The following C12orf42 variants were observed in gnomAD, a reference collection of about 807,000 sequenced individuals.
C12orf42 encodes uncharacterized protein C12orf42.
A neutral mutation model predicts 21.6 loss-of-function variants in C12orf42; 25 were observed. The ratio of observed to expected loss-of-function variants is 1.16; its 90% confidence interval spans 0.84 to 1.62. C12orf42 has a LOEUF of 1.62. Ranked by LOEUF, C12orf42 falls within the 40% of genes most tolerant of loss-of-function variation. The probability of loss-of-function intolerance (pLI) is 0.00; values close to 1 mark genes in which losing one functional copy is unlikely to be tolerated. For missense variants in C12orf42, 483 were observed against 459.3 expected, an observed-to-expected ratio of 1.05 and a Z score of -0.47; for synonymous variants, 174 against 175.0, an observed-to-expected ratio of 0.99 and a Z score of 0.05.
the C12orf42 span, among the ~76,000 whole-genome samples, chr12:103,543,860 T>G: frequency 6.6e-6 from 1 of 151,044 alleles, no homozygotes; most frequent in South Asian, 2.1e-4. Flanking sequence ...TTTTTGTTGT[T>G]GTTGTTGTTT....
At chr12:103,118,772 T>TAAAAAAAAAAAA in the C12orf42 span, among the ~76,000 whole-genome samples, 83 of 41,656 alleles carry the variant, frequency 2.0e-3, 5 homozygotes, top group African/African-American at 7.4e-3. Flanking sequence ...CACTCCAGCC[T>TAAAAAAAAAAAA]AAAAAAAAAA....
chr12:103,191,439 G>A, the C12orf42 span, among the ~76,000 whole-genome samples: 1 of 149,650 alleles, frequency 6.7e-6, no homozygotes, highest in African/African-American at 2.5e-5. Flanking sequence ...TGGGTGCAGT[G>A]GCTCATGCCT....
chr12:103,396,520 G>A (rs957145362), intron 3 of C12orf42: 1 of 152,168 alleles, frequency 6.6e-6, no homozygotes, highest in Non-Finnish European at 1.5e-5. Context: ...AATGAATGGA[G>A]TAGTACATAT....
At chr12:103,281,008 T>G (rs549781128) in intron 4 of C12orf42, among the ~76,000 whole-genome samples, 1 of 152,342 alleles carries the variant, frequency 6.6e-6, no homozygotes, top group East Asian at 1.9e-4. Flanking sequence ...TTAGGAAGAC[T>G]TCCTGGAAGA....
At chr12:103,378,814 T>C (rs1386628109) in intron 3 of C12orf42, 1 of 152,064 alleles carries the variant, frequency 6.6e-6, no homozygotes, top group Non-Finnish European at 1.5e-5. Flanking sequence ...GATTTAAGAG[T>C]AACAATTGTT....
chr12:103,302,401 T>A lies in C12orf42; in HGVS notation c.790A>T (p.Arg264Ter). 1 of 1,613,860 alleles carries A rather than the reference T, an allele frequency of 6.2e-7. No individual in the cohort carries two copies. The highest frequency in any genetic ancestry group is 8.5e-7 in the Non-Finnish European group (1 of 1,179,842). ...AQAHPDDIQS[R>*]LLGASGNPVG... ...GGATTTCCGGACGCGCCCAGGAGTC[T>A]GCTTTGGATGTCGTCGGGGTGTGCC... The change falls in exon 6 of 6, where the codon AGA becomes TGA. Residue 264 changes from arginine (R) to a stop codon, truncating the protein, a stop_gained. Coordinates refer to ENST00000548883, the MANE Select transcript of C12orf42 (RefSeq NM_198521.5). LOFTEE classifies it low-confidence loss of function (END_TRUNC).
chr12:103,437,744 GA>G (rs1950853732), intron 2 of C12orf42, among the ~76,000 whole-genome samples: 1 of 147,484 alleles, frequency 6.8e-6, no homozygotes, highest in African/African-American at 2.5e-5. Context: ...AACAGGATCT[GA>G]AATTGAGACA....
At chr12:103,119,223 T>G in the C12orf42 span, among the ~76,000 whole-genome samples, 1 of 152,208 alleles carries the variant, frequency 6.6e-6, no homozygotes, top group African/African-American at 2.4e-5. Context: ...ATTATTAACC[T>G]TTTTAAATGT....
At chr12:103,283,212 G>T (rs115504107) in intron 4 of C12orf42, among the ~76,000 whole-genome samples, 1 of 152,066 alleles carries the variant, frequency 6.6e-6, no homozygotes. Flanking sequence ...AGTATACCAC[G>T]TAGGCATGGA....
At chr12:103,049,143 AC>A in the C12orf42 span, among the ~76,000 whole-genome samples, 4 of 152,164 alleles carry the variant, frequency 2.6e-5, no homozygotes, top group African/African-American at 9.7e-5. Flanking sequence ...AGTAGCCATT[AC>A]CTCCTTAACA....
the C12orf42 span, among the ~76,000 whole-genome samples, chr12:103,552,962 A>G: frequency 6.6e-6 from 1 of 152,132 alleles, no homozygotes; most frequent in Non-Finnish European, 1.5e-5. Context: ...CTCACTCACT[A>G]TCATGAGAAC....
chr12:103,505,289 G>T, the C12orf42 span: 1 of 258,358 alleles, frequency 3.9e-6, no homozygotes. Context: ...CACATCAAGG[G>T]TTCACAGTGC....
At chr12:103,493,714 A>T (rs1955328761) in intron 1 of C12orf42, among the ~76,000 whole-genome samples, 1 of 116,790 alleles carries the variant, frequency 8.6e-6, no homozygotes, top group Non-Finnish European at 1.8e-5. Flanking sequence ...AAAAGCCAAA[A>T]GGGGAGACAA....
chr12:103,169,062 T>A, the C12orf42 span, among the ~76,000 whole-genome samples: 2 of 151,932 alleles, frequency 1.3e-5, no homozygotes, highest in Non-Finnish European at 2.9e-5. Context: ...CTAATGTAGA[T>A]GACAGGTTGA....
At chr12:103,229,092 C>A in the C12orf42 span, among the ~76,000 whole-genome samples, 1 of 152,122 alleles carries the variant, frequency 6.6e-6, no homozygotes, top group Non-Finnish European at 1.5e-5. Context: ...AACATATGTT[C>A]TCATCACTTC....
intron 10 of C12orf42, among the ~76,000 whole-genome samples, chr12:103,261,103 G>A (rs988614295): frequency 6.6e-6 from 1 of 151,836 alleles, no homozygotes. Flanking sequence ...CAAACTTTGG[G>A]TCTCTTTATG....
At chr12:103,220,883 G>T in the C12orf42 span, among the ~76,000 whole-genome samples, 12 of 152,098 alleles carry the variant, frequency 7.9e-5, no homozygotes, top group Admixed American at 7.2e-4. Flanking sequence ...GTCAGTGTGT[G>T]GTCTGGGGAA....
the C12orf42 span, among the ~76,000 whole-genome samples, chr12:103,129,150 T>C: frequency 6.6e-6 from 1 of 152,136 alleles, no homozygotes; most frequent in Non-Finnish European, 1.5e-5. Flanking sequence ...TCCTGGAAGC[T>C]GTGCTTGAAG....
chr12:103,342,523 C>T (rs2042252145), intron 4 of C12orf42, among the ~76,000 whole-genome samples: 1 of 151,948 alleles, frequency 6.6e-6, no homozygotes, highest in South Asian at 2.1e-4. Context: ...GTATTATTAC[C>T]CCATAGTAGA....
Sources: allele counts gnomAD v4.1 joint callset (sites outside exome capture counted in the v4.1 genomes callset), GRCh38; gene constraint gnomAD v4.1.1; transcripts MANE v1.5; gene names NCBI Gene and HGNC (gene_info 2026-07-23, HGNC 2026-07-21).